Variants in ROBO2 observed in about 807,000 individuals in gnomAD.
ROBO2 encodes the protein roundabout homolog 2.
Under a neutral mutation model 160.8 loss-of-function variants are expected in ROBO2, and 53 were observed. The ratio of observed to expected loss-of-function variants is 0.33; its 90% confidence interval spans 0.26 to 0.41. ROBO2 has a LOEUF of 0.41. Ranked by LOEUF, ROBO2 falls within the 10% of genes least tolerant of loss-of-function variation. The pLI is 1.00. For missense variants in ROBO2, 1,577 were observed against 1,722.4 expected (o/e 0.92, Z 1.49); for synonymous variants, 664 against 611.7 (o/e 1.09, Z -1.26).
At chr3:77,354,344 G>T (rs1257059093) in intron 2 of ROBO2, among the ~76,000 whole-genome samples, 1 of 151,956 alleles carries the variant, frequency 6.6e-6, no homozygotes, top group African/African-American at 2.4e-5. Flanking sequence ...TTTTTCTCCT[G>T]GTCTCACTGC....
chr3:77,079,551 T>C (rs369876791), intron 1 of ROBO2, among the ~76,000 whole-genome samples: 6 of 152,372 alleles, frequency 3.9e-5, no homozygotes, highest in South Asian at 2.1e-4. Context: ...AGATCTACTA[T>C]GTAAGAAGTA....
Position 76,170,709 on chromosome 3 carries a change from A to T in ROBO2, c.109+233107A>T, listed in dbSNP as rs553108702. ...TTAGGCCTATAGAATTGCTGTAAAGAATGAAATCTTAAAAATAATTTAAGG... is the reference window on the plus strand; with the variant it reads ...TTAGGCCTATAGAATTGCTGTAAAGTATGAAATCTTAAAAATAATTTAAGG... On this transcript the variant is annotated intron_variant, in intron 2 of 26. Transcript: ENST00000487694. Among the ~76,000 whole-genome samples, 20 of 152,316 alleles carry T rather than the reference A, an allele frequency of 1.3e-4. No homozygotes were observed. The East Asian group carries it at 3.7e-3, about 28-fold the overall frequency.
intron 2 of ROBO2, among the ~76,000 whole-genome samples, chr3:77,000,694 G>A (rs1328074164): frequency 6.6e-6 from 1 of 152,130 alleles, no homozygotes; most frequent in East Asian, 1.9e-4. Context: ...AATCTAGCAA[G>A]TACTTGGTAA....
chr3:76,414,733 ATG>A (rs1559909696), intron 2 of ROBO2, among the ~76,000 whole-genome samples: 2 of 150,654 alleles, frequency 1.3e-5, no homozygotes, highest in African/African-American at 4.9e-5. Flanking sequence ...AACCTGCACA[ATG>A]TGCACATGTA....
intron 2 of ROBO2, among the ~76,000 whole-genome samples, chr3:75,942,887 C>T (rs1948119061): frequency 1.3e-5 from 2 of 152,112 alleles, no homozygotes; most frequent in Non-Finnish European, 2.9e-5. Flanking sequence ...TTCCAGACAT[C>T]TGAATGTTGT....
At chr3:76,767,278 C>CT (rs2061626331) in intron 2 of ROBO2, among the ~76,000 whole-genome samples, 1 of 151,448 alleles carries the variant, frequency 6.6e-6, no homozygotes, top group Admixed American at 6.6e-5. Flanking sequence ...AATTTATTGC[C>CT]TTTGTTATTT....
chr3:76,446,463 G>A (rs2109199661), intron 2 of ROBO2, among the ~76,000 whole-genome samples: 1 of 152,234 alleles, frequency 6.6e-6, no homozygotes, highest in Non-Finnish European at 1.5e-5. Flanking sequence ...TGGCCATACT[G>A]CCCAAGGTAA....
intron 2 of ROBO2, among the ~76,000 whole-genome samples, chr3:76,726,113 A>G (rs1299427507): frequency 1.3e-5 from 2 of 152,162 alleles, no homozygotes; most frequent in African/African-American, 4.8e-5. Context: ...AAAGTAAATT[A>G]CTTCAAAGAA....
chr3:77,380,507 T>C (rs890025048), intron 2 of ROBO2, among the ~76,000 whole-genome samples: 5 of 152,172 alleles, frequency 3.3e-5, no homozygotes, highest in Non-Finnish European at 7.4e-5. Flanking sequence ...AGGAGAAGAA[T>C]GAAAATCAAT....
In ROBO2 at chr3:76,985,575, GAAAAAAAAA is replaced by G. The variant is rs532632866; in HGVS notation, c.110-112417_110-112409del. Among the ~76,000 whole-genome samples the G allele has an allele frequency of 4.2e-3, 110 of 26,382 alleles. 1 individual carries two copies. Among genetic ancestry groups the G allele is most frequent in the African/African-American group, 0.012 (81 of 6,636 alleles). The allele number at this position is 26,382 out of a possible 152,430, so 17.3% of individuals were successfully genotyped here. On this transcript the variant is annotated intron_variant, in intron 2 of 26. Coordinates refer to the ROBO2 transcript ENST00000487694. ...TGGGCGACAAAGCGAGACTCCGTCTGAAAAAAAAAAAAAAAAAAAAAAAAAAAAAAGAAG... is the reference window on the plus strand; with the variant it reads ...TGGGCGACAAAGCGAGACTCCGTCTGAAAAAAAAAAAAAAAAAAAAAGAAG...
Position 76,018,473 on chromosome 3 carries a change from G to T in ROBO2, c.109+80871G>T, listed in dbSNP as rs139074709. The stretch of plus-strand genomic sequence containing the variant: ...ATTATTATTGTCAGTTTTTATAATC[G>T]CATTTCTTCTGCTTGGTTTCTTATT... On this transcript the variant is annotated intron_variant, in intron 2 of 26. Transcript: ENST00000487694. 7.3e-4 allele frequency among the ~76,000 whole-genome samples: 110 copies of T among 151,156 alleles called. 1 individual carries two copies. The highest frequency in any genetic ancestry group is 4.1e-3 in the East Asian group (21 of 5,132).
At chr3:76,502,739 T>G (rs1252808176) in intron 2 of ROBO2, among the ~76,000 whole-genome samples, 1 of 152,140 alleles carries the variant, frequency 6.6e-6, no homozygotes, top group East Asian at 1.9e-4. Flanking sequence ...AATCTTGTGA[T>G]GATTTGAACA....
In ROBO2 at chr3:76,167,955, T is replaced by C. The variant is rs559485101; in HGVS notation, c.109+230353T>C. On this transcript the variant is annotated intron_variant, in intron 2 of 26. Coordinates refer to the ROBO2 transcript ENST00000487694. ...TCCGTTAACAGAGGCTCCAAATCTCTTGGAAGCGCTGGTAGTGGCTGTGGG... is the reference window on the plus strand; with the variant it reads ...TCCGTTAACAGAGGCTCCAAATCTCCTGGAAGCGCTGGTAGTGGCTGTGGG... Among the ~76,000 whole-genome samples, 5 of 152,280 alleles carry C rather than the reference T, an allele frequency of 3.3e-5. No homozygotes were observed. The South Asian group carries it at 1.0e-3, about 32-fold the overall frequency.
chr3:76,249,670 T>C (rs1204494791), intron 2 of ROBO2, among the ~76,000 whole-genome samples: 1 of 152,080 alleles, frequency 6.6e-6, no homozygotes, highest in Non-Finnish European at 1.5e-5. Flanking sequence ...ATAATAATAC[T>C]TTACTGCAGA....
intron 2 of ROBO2, among the ~76,000 whole-genome samples, chr3:76,776,696 A>C (rs1264827010): frequency 6.6e-6 from 1 of 150,952 alleles, no homozygotes; most frequent in African/African-American, 2.4e-5. Context: ...CCATACAATA[A>C]ATTATTAGTA....
chr3:77,304,671 G>A (rs1484088596), intron 2 of ROBO2, among the ~76,000 whole-genome samples: 2 of 152,270 alleles, frequency 1.3e-5, no homozygotes, highest in East Asian at 3.9e-4. Context: ...GGCCAATATT[G>A]CTAAATAACC....
At chr3:77,496,925 T>C (rs1468406635) in intron 5 of ROBO2, among the ~76,000 whole-genome samples, 2 of 152,108 alleles carry the variant, frequency 1.3e-5, no homozygotes, top group Admixed American at 1.3e-4. Context: ...CTTAAACTCC[T>C]GACCTTTCTC....
intron 2 of ROBO2, chr3:76,434,855 C>T (rs2076597883): frequency 6.3e-7 from 1 of 1,578,012 alleles, no homozygotes; most frequent in Non-Finnish European, 8.7e-7. Context: ...AGAACCCTGC[C>T]CTGAAGGCTC....
intron 2 of ROBO2, among the ~76,000 whole-genome samples, chr3:76,995,713 A>AT (rs1213380404): frequency 6.6e-6 from 1 of 152,026 alleles, no homozygotes; most frequent in Non-Finnish European, 1.5e-5. Context: ...GATGATGAGC[A>AT]TTTTTTCATG....
Sources: allele counts gnomAD v4.1 joint callset (sites outside exome capture counted in the v4.1 genomes callset), GRCh38; gene constraint gnomAD v4.1.1; transcripts MANE v1.5; gene names NCBI Gene and HGNC (gene_info 2026-07-23, HGNC 2026-07-21).